CCDC192: variants seen among roughly 807,000 people sequenced by gnomAD.
The protein encoded by CCDC192 is coiled-coil domain containing 192, also known as coiled-coil domain-containing protein 192.
At chr5:127,751,306 C>G (rs1002357280) in intron 2 of CCDC192, among the ~76,000 whole-genome samples, 2 of 151,864 alleles carry the variant, frequency 1.3e-5, no homozygotes, top group Non-Finnish European at 2.9e-5. Context: ...TTAGGGCAGG[C>G]CTGGTGGTGA....
chr5:127,867,485 T>C (rs918797475), intron 5 of CCDC192, among the ~76,000 whole-genome samples: 14 of 152,230 alleles, frequency 9.2e-5, no homozygotes, highest in African/African-American at 2.9e-4. Context: ...TTCTTACAGA[T>C]GTTTGCCAAT....
chr5:127,846,706 G>A (rs1007004415), intron 5 of CCDC192, among the ~76,000 whole-genome samples: 1 of 150,528 alleles, frequency 6.6e-6, no homozygotes. Context: ...CTGGCCTCAA[G>A]TGATCCACCC....
In CCDC192 at chr5:127,880,815, A is replaced by G. The variant is rs150558778; in HGVS notation, c.535+5154A>G. The stretch of plus-strand genomic sequence containing the variant: ...GCTAAAATGGGGAAACCCTATCTCT[A>G]CCAAAAATACAAAAACTAGCTGGAT... On this transcript the variant is annotated intron_variant, in intron 6 of 6. Coordinates refer to ENST00000514853, the MANE Select transcript of CCDC192 (RefSeq NM_001317938.2). 3.8e-3 allele frequency among the ~76,000 whole-genome samples: 578 copies of G among 151,894 alleles called. 3 individuals are homozygous for G. Among genetic ancestry groups the G allele is most frequent in the African/African-American group, 0.013 (545 of 41,422 alleles).
At chr5:127,742,596 A>C (rs953140904) in intron 2 of CCDC192, among the ~76,000 whole-genome samples, 1 of 152,208 alleles carries the variant, frequency 6.6e-6, no homozygotes, top group Admixed American at 6.5e-5. Flanking sequence ...GGAGGTCTCT[A>C]TACTTAGATT....
chr5:127,734,047 G>A (rs1331417774), intron 2 of CCDC192, among the ~76,000 whole-genome samples: 1 of 149,196 alleles, frequency 6.7e-6, no homozygotes, highest in South Asian at 2.2e-4. Flanking sequence ...TCTAGCATTA[G>A]GTATATCTCC....
chr5:127,922,482 T>G (rs1753749424), intron 6 of CCDC192, among the ~76,000 whole-genome samples: 1 of 152,230 alleles, frequency 6.6e-6, no homozygotes, highest in Non-Finnish European at 1.5e-5. Flanking sequence ...CTCATGCCTG[T>G]AATCCCAGCA....
intron 3 of CCDC192, among the ~76,000 whole-genome samples, chr5:127,771,585 G>A (rs1755554740): frequency 6.6e-6 from 1 of 152,200 alleles, no homozygotes; most frequent in Non-Finnish European, 1.5e-5. Context: ...TTGGGGGGTA[G>A]GGTACAGAAA....
intron 6 of CCDC192, among the ~76,000 whole-genome samples, chr5:127,891,811 G>A (rs1170892043): frequency 6.6e-6 from 1 of 152,038 alleles, no homozygotes; most frequent in Non-Finnish European, 1.5e-5. Context: ...CCACATTCTG[G>A]TTCTTTCTAC....
At chr5:127,789,360 G>A (rs1756739335) in intron 3 of CCDC192, among the ~76,000 whole-genome samples, 1 of 152,184 alleles carries the variant, frequency 6.6e-6, no homozygotes, top group African/African-American at 2.4e-5. Flanking sequence ...AATATTGATG[G>A]AAATATGAAC....
At chr5:127,809,637 G>A (rs1428659498) in intron 5 of CCDC192, among the ~76,000 whole-genome samples, 1 of 152,168 alleles carries the variant, frequency 6.6e-6, no homozygotes, top group African/African-American at 2.4e-5. Flanking sequence ...CATGTAAATA[G>A]TTAATCTTTC....
intron 3 of CCDC192, among the ~76,000 whole-genome samples, chr5:127,770,643 A>G (rs1214272208): frequency 6.6e-6 from 1 of 152,216 alleles, no homozygotes; most frequent in Non-Finnish European, 1.5e-5. Flanking sequence ...TTTAGATGCT[A>G]TATCATGACA....
intron 3 of CCDC192, among the ~76,000 whole-genome samples, chr5:127,763,768 C>A (rs1755059437): frequency 6.6e-6 from 1 of 152,124 alleles, no homozygotes; most frequent in Admixed American, 6.6e-5. Flanking sequence ...GGCCTCATTT[C>A]TTAGAGTCAA....
intron 3 of CCDC192, among the ~76,000 whole-genome samples, chr5:127,756,305 C>T (rs1754590476): frequency 6.6e-6 from 1 of 152,276 alleles, no homozygotes; most frequent in South Asian, 2.1e-4. Context: ...GCCGCAGAGC[C>T]GGCTGTGCAG....
At chr5:127,931,635 A>C (rs1754031719) in intron 6 of CCDC192, among the ~76,000 whole-genome samples, 1 of 152,114 alleles carries the variant, frequency 6.6e-6, no homozygotes, top group South Asian at 2.1e-4. Context: ...AACCTGGCTG[A>C]TCATCAGATT....
intron 5 of CCDC192, chr5:127,857,579 G>A (rs1483402880): frequency 6.6e-6 from 1 of 152,176 alleles, no homozygotes; most frequent in Non-Finnish European, 1.5e-5. Flanking sequence ...ATATATGAGA[G>A]AGAGAGAAAG....
At chr5:127,897,958 C>G (rs545942676) in intron 6 of CCDC192, among the ~76,000 whole-genome samples, 1 of 152,248 alleles carries the variant, frequency 6.6e-6, no homozygotes, top group Non-Finnish European at 1.5e-5. Flanking sequence ...GGCAGTATAA[C>G]AGTAATCATT....
At chr5:127,747,519 G>C (rs1349417937) in intron 2 of CCDC192, among the ~76,000 whole-genome samples, 1 of 152,070 alleles carries the variant, frequency 6.6e-6, no homozygotes, top group Non-Finnish European at 1.5e-5. Context: ...TTGGGCATTT[G>C]GGTTGGTTCC....
At chr5:127,707,200 A>C (rs1751018482) in intron 1 of CCDC192, among the ~76,000 whole-genome samples, 1 of 152,194 alleles carries the variant, frequency 6.6e-6, no homozygotes, top group Non-Finnish European at 1.5e-5. Flanking sequence ...TTTTGCTGTA[A>C]CCTGAATAGC....
chr5:127,912,205 C>T (rs1272458368), intron 6 of CCDC192, among the ~76,000 whole-genome samples: 1 of 151,538 alleles, frequency 6.6e-6, no homozygotes, highest in Admixed American at 6.6e-5. Context: ...GCTGGGATTA[C>T]AGGCGTGAGC....
Sources: gnomAD v4.1 joint callset for allele counts (sites outside exome capture counted in the v4.1 genomes callset) on GRCh38, gnomAD v4.1.1 for gene constraint, MANE v1.5 for transcripts, NCBI Gene and HGNC (gene_info 2026-07-23, HGNC 2026-07-21) for gene names.